PTPRD: variants seen among roughly 807,000 people sequenced by gnomAD.
PTPRD encodes protein tyrosine phosphatase receptor type D.
PTPRD carries 34 observed loss-of-function variants against 214.5 expected under a neutral mutation model. The observed-to-expected ratio is 0.16, with a 90% confidence interval of 0.12 to 0.21. The LOEUF (loss-of-function observed/expected upper bound fraction) is 0.21. Ranked by LOEUF, PTPRD falls within the 10% of genes least tolerant of loss-of-function variation. The pLI is 1.00. For missense variants in PTPRD, 2,545 were observed against 2,398.7 expected (o/e 1.06, Z -1.27); for synonymous variants, 1,128 against 845.7 (o/e 1.33, Z -5.79).
chr9:8,947,429 T>A (rs183388766), intron 11 of PTPRD, among the ~76,000 whole-genome samples: 5 of 140,684 alleles, frequency 3.6e-5, no homozygotes, highest in Non-Finnish European at 6.0e-5. Flanking sequence ...TGCCACTGAA[T>A]TCCAGCCTGG....
At chr9:10,304,406 T>C (rs1042396926) in intron 3 of PTPRD, among the ~76,000 whole-genome samples, 1 of 152,176 alleles carries the variant, frequency 6.6e-6, no homozygotes, top group African/African-American at 2.4e-5. Flanking sequence ...TTGGAAGTTC[T>C]GGCCGGTGAA....
chr9:8,841,919 G>A (rs759506244), intron 11 of PTPRD, among the ~76,000 whole-genome samples: 1 of 151,692 alleles, frequency 6.6e-6, no homozygotes, highest in African/African-American at 2.4e-5. Context: ...GCTGAGGCAG[G>A]AGAATCAGAT....
At chr9:10,194,021 C>T (rs1179984676) in intron 3 of PTPRD, among the ~76,000 whole-genome samples, 2 of 152,032 alleles carry the variant, frequency 1.3e-5, no homozygotes, top group East Asian at 3.9e-4. Flanking sequence ...TTATGTTCAC[C>T]TCTTTCTCCA....
chr9:10,384,810 T>C (rs988544153), intron 2 of PTPRD, among the ~76,000 whole-genome samples: 2 of 151,692 alleles, frequency 1.3e-5, no homozygotes, highest in Non-Finnish European at 2.9e-5. Context: ...GAGGTACATT[T>C]GAATTAAAAT....
intron 3 of PTPRD, among the ~76,000 whole-genome samples, chr9:10,039,565 C>T (rs1331388183): frequency 6.6e-6 from 1 of 151,712 alleles, no homozygotes; most frequent in African/African-American, 2.4e-5. Flanking sequence ...AAACATTTTC[C>T]TTATATAAAG....
chr9:8,721,262 C>A (rs189227102), intron 12 of PTPRD, among the ~76,000 whole-genome samples: 1 of 151,406 alleles, frequency 6.6e-6, no homozygotes, highest in Non-Finnish European at 1.5e-5. Context: ...AAACCCCATC[C>A]CTACTAATAA....
intron 7 of PTPRD, among the ~76,000 whole-genome samples, chr9:9,722,419 G>A (rs890496058): frequency 2.6e-5 from 4 of 151,866 alleles, no homozygotes; most frequent in Admixed American, 2.0e-4. Flanking sequence ...TTTACTTTTG[G>A]AAAAATAGCA....
intron 11 of PTPRD, among the ~76,000 whole-genome samples, chr9:8,845,735 A>C (rs777533880): frequency 4.0e-4 from 61 of 152,276 alleles, no homozygotes; most frequent in Non-Finnish European, 7.1e-4. Flanking sequence ...ACTTTCCCCC[A>C]AAAAAAGTGT....
At chr9:8,461,865 G>A (rs960781997) in intron 32 of PTPRD, among the ~76,000 whole-genome samples, 1 of 151,746 alleles carries the variant, frequency 6.6e-6, no homozygotes, top group African/African-American at 2.4e-5. Flanking sequence ...TCCCAGGCTG[G>A]TCTCGAACTC....
intron 3 of PTPRD, among the ~76,000 whole-genome samples, chr9:10,253,495 T>A (rs1184768155): frequency 2.0e-5 from 3 of 152,218 alleles, no homozygotes; most frequent in Non-Finnish European, 4.4e-5. Context: ...ACCAAACAAC[T>A]CTTTTAACGC....
intron 4 of PTPRD, among the ~76,000 whole-genome samples, chr9:9,945,673 C>G (rs1233090898): frequency 1.3e-5 from 2 of 152,048 alleles, no homozygotes; most frequent in Non-Finnish European, 2.9e-5. Flanking sequence ...GGATTGTAAT[C>G]AAGATAATTT....
intron 8 of PTPRD, among the ~76,000 whole-genome samples, chr9:9,427,295 C>T (rs141883370): frequency 6.6e-6 from 1 of 152,116 alleles, no homozygotes; most frequent in South Asian, 2.1e-4. Flanking sequence ...ATTTGATCAA[C>T]TGGAAGAAAG....
intron 11 of PTPRD, among the ~76,000 whole-genome samples, chr9:8,965,833 A>C (rs943180818): frequency 2.0e-5 from 3 of 152,198 alleles, no homozygotes; most frequent in Admixed American, 2.0e-4. Context: ...AAATAGGAAA[A>C]GAATAAGTCA....
chr9:10,363,657 G>A (rs2097440691), intron 2 of PTPRD, among the ~76,000 whole-genome samples: 1 of 152,088 alleles, frequency 6.6e-6, no homozygotes, highest in Admixed American at 6.5e-5. Flanking sequence ...AATTAGAATG[G>A]AAAAATGCAA....
At chr9:8,796,859 T>C (rs1418130606) in intron 11 of PTPRD, among the ~76,000 whole-genome samples, 2 of 152,138 alleles carry the variant, frequency 1.3e-5, no homozygotes, top group Non-Finnish European at 2.9e-5. Flanking sequence ...GCCTAGAACT[T>C]GAAAGAGCTT....
chr9:10,442,019 A>G (rs113893804), intron 2 of PTPRD, among the ~76,000 whole-genome samples: 9 of 151,660 alleles, frequency 5.9e-5, no homozygotes, highest in Admixed American at 1.3e-4. Flanking sequence ...TTATTTTAGT[A>G]TACGCTAAAT....
At chr9:8,483,623 G>C (rs1056407814) in intron 30 of PTPRD, among the ~76,000 whole-genome samples, 7 of 152,016 alleles carry the variant, frequency 4.6e-5, no homozygotes, top group African/African-American at 1.7e-4. Flanking sequence ...ATGGCGACAG[G>C]TGCCTGTAAT....
chr9:8,352,983 T>C (rs1041400834), intron 39 of PTPRD, among the ~76,000 whole-genome samples: 1 of 152,056 alleles, frequency 6.6e-6, no homozygotes, highest in African/African-American at 2.4e-5. Flanking sequence ...TGGTGGCACA[T>C]GCCTGCAGTC....
At chr9:8,845,310 TTCAG>T (rs2097668333) in intron 11 of PTPRD, among the ~76,000 whole-genome samples, 1 of 152,210 alleles carries the variant, frequency 6.6e-6, no homozygotes, top group Admixed American at 6.5e-5. Flanking sequence ...AAAGCTTTCC[TTCAG>T]TCAGTGTCCT....
Sources: allele counts gnomAD v4.1 joint callset (sites outside exome capture counted in the v4.1 genomes callset), GRCh38; gene constraint gnomAD v4.1.1; transcripts MANE v1.5; gene names NCBI Gene and HGNC (gene_info 2026-07-23, HGNC 2026-07-21).